TLN2: variants seen among roughly 807,000 people sequenced by gnomAD.
TLN2 encodes talin-2.
A neutral mutation model predicts 294.7 loss-of-function variants in TLN2; 118 were observed. The ratio of observed to expected loss-of-function variants is 0.40; its 90% CI spans 0.34 to 0.47. The LOEUF (loss-of-function observed/expected upper bound fraction) is 0.47. Ranked by LOEUF, TLN2 falls within the 20% of genes least tolerant of loss-of-function variation. TLN2 has a pLI of 0.84. For missense variants in TLN2, 3,083 were observed against 3,282.2 expected (o/e 0.94, Z 1.48); for synonymous variants, 1,431 against 1,304.5 (o/e 1.10, Z -2.09).
In TLN2 at chr15:62,825,801, T is replaced by TACA. The variant is rs1212160568; in HGVS notation, c.7002+5191_7002+5192insACA. Among the ~76,000 whole-genome samples the TACA allele has an allele frequency of 6.4e-3, 70 of 10,874 alleles. 8 individuals are homozygous for TACA. The highest frequency in any genetic ancestry group is 0.02 in the African/African-American group (68 of 3,426). 7.1% of individuals were successfully genotyped at this position (10,874 alleles called of 152,430 possible). On this transcript the variant is annotated intron_variant, in intron 54 of 58. Coordinates refer to ENST00000636159, the MANE Select transcript of TLN2 (RefSeq NM_015059.3). ...AATATATTATATATTATAATATATATTATATATTATATTATAATATATATT... is the reference window on the plus strand; with the variant it reads ...AATATATTATATATTATAATATATATACATATATATTATATTATAATATATATT...
At chr15:62,631,350 T>A (rs2049800552) in intron 3 of TLN2, among the ~76,000 whole-genome samples, 1 of 152,178 alleles carries the variant, frequency 6.6e-6, no homozygotes, top group South Asian at 2.1e-4. Context: ...GCTCAGTGGA[T>A]TCCTAAGTCA....
intron 1 of TLN2, among the ~76,000 whole-genome samples, chr15:62,472,762 A>G (rs2037552928): frequency 6.6e-6 from 1 of 152,168 alleles, no homozygotes; most frequent in Non-Finnish European, 1.5e-5. Flanking sequence ...TCATGCCCCT[A>G]TAGCCTTTAC....
At chr15:62,794,179 C>G (rs1208218238) in intron 46 of TLN2, among the ~76,000 whole-genome samples, 1 of 152,196 alleles carries the variant, frequency 6.6e-6, no homozygotes. Flanking sequence ...CTGAGCTGGC[C>G]TCGGCCGCTA....
At chr15:62,794,195 C>T (rs1246767848) in intron 46 of TLN2, among the ~76,000 whole-genome samples, 10 of 152,212 alleles carry the variant, frequency 6.6e-5, no homozygotes, top group South Asian at 6.2e-4. Flanking sequence ...CGCTACCTGT[C>T]CCGGCTTTGG....
In TLN2 at chr15:62,719,864, G is replaced by C. The variant is rs938984727; in HGVS notation, c.2975G>C (p.Ser992Thr). 1.2e-6 allele frequency: 2 copies of C among 1,610,126 alleles called. No homozygotes were observed. The highest frequency in any genetic ancestry group is 2.7e-5 in the African/African-American group (2 of 74,874). ...LSAQLALIISSQNFLQPGSKM... is the reference protein window; with the variant it reads ...LSAQLALIISTQNFLQPGSKM... ...GCCCAGCTGGCTCTCATCATCTCCAGCCAGAACTTCCTCCAGGTAACAGGG... is the reference window on the plus strand; with the variant it reads ...GCCCAGCTGGCTCTCATCATCTCCACCCAGAACTTCCTCCAGGTAACAGGG... The change falls in exon 25 of 59, where the codon AGC (serine) becomes ACC (threonine). Residue 992 changes from serine to threonine, a missense_variant. Physicochemically the swap from Ser to Thr is moderately conservative, Grantham distance 58 (BLOSUM62 1). Coordinates refer to ENST00000636159, the MANE Select transcript of TLN2 (RefSeq NM_015059.3).
chr15:62,619,655 G>A (rs532290790), intron 3 of TLN2, among the ~76,000 whole-genome samples: 1 of 152,304 alleles, frequency 6.6e-6, no homozygotes, highest in East Asian at 1.9e-4. Flanking sequence ...CTGATGACTG[G>A]CGTCCTTGTA....
chr15:62,723,819 G>A (rs2060287739), intron 26 of TLN2, among the ~76,000 whole-genome samples: 1 of 151,566 alleles, frequency 6.6e-6, no homozygotes, highest in Admixed American at 6.6e-5. Context: ...CAAAGTGTTA[G>A]GATTACAGGC....
chr15:62,719,998 G>A (rs145411506), intron 25 of TLN2, 118 bp downstream of exon 25: 9 of 700,656 alleles, frequency 1.3e-5, no homozygotes, highest in Non-Finnish European at 1.9e-5. Context: ...CGGTAGGCAG[G>A]GCTTGAAGGC....
At chr15:62,675,626 T>C (rs1473141804) in intron 11 of TLN2, among the ~76,000 whole-genome samples, 1 of 152,200 alleles carries the variant, frequency 6.6e-6, no homozygotes, top group Non-Finnish European at 1.5e-5. Flanking sequence ...CTCCTGACAA[T>C]GTTTCATTTA....
At chr15:62,531,057 G>T (rs1357528020) in intron 1 of TLN2, among the ~76,000 whole-genome samples, 1 of 152,106 alleles carries the variant, frequency 6.6e-6, no homozygotes. Flanking sequence ...ATTAGATTTA[G>T]ACCCAGTATT....
At chr15:62,663,525 T>C (rs1256054849) in intron 9 of TLN2, among the ~76,000 whole-genome samples, 1 of 151,722 alleles carries the variant, frequency 6.6e-6, no homozygotes, top group Non-Finnish European at 1.5e-5. Flanking sequence ...ACATAGATAA[T>C]CAGTCAGTCT....
chr15:62,801,488 T>G (rs891628101), intron 50 of TLN2, among the ~76,000 whole-genome samples: 1 of 152,222 alleles, frequency 6.6e-6, no homozygotes, highest in African/African-American at 2.4e-5. Context: ...TTCAACTTTT[T>G]TGGGAAAGAG....
At chr15:62,598,945 G>C (rs2046773966) in intron 2 of TLN2, among the ~76,000 whole-genome samples, 1 of 152,204 alleles carries the variant, frequency 6.6e-6, no homozygotes, top group Admixed American at 6.5e-5. Context: ...AGGAAGCCTT[G>C]ACCATGGAAC....
intron 1 of TLN2, among the ~76,000 whole-genome samples, chr15:62,505,981 A>C (rs370743391): frequency 6.6e-6 from 1 of 152,110 alleles, no homozygotes; most frequent in Non-Finnish European, 1.5e-5. Flanking sequence ...CCTTTATTCT[A>C]TTTATGGAAC....
At chr15:62,652,803 A>T (rs571096199) in intron 6 of TLN2, among the ~76,000 whole-genome samples, 1 of 152,294 alleles carries the variant, frequency 6.6e-6, no homozygotes, top group South Asian at 2.1e-4. Context: ...ACCTTTATGA[A>T]AGGAATTACT....
intron 1 of TLN2, among the ~76,000 whole-genome samples, chr15:62,499,230 C>G (rs1288439537): frequency 1.3e-5 from 2 of 152,182 alleles, no homozygotes; most frequent in Non-Finnish European, 2.9e-5. Context: ...GGGAACATCA[C>G]TTGAGCTCAG....
intron 1 of TLN2, among the ~76,000 whole-genome samples, chr15:62,480,715 G>C (rs923470350): frequency 1.3e-5 from 2 of 152,184 alleles, no homozygotes; most frequent in African/African-American, 4.8e-5. Flanking sequence ...CATGCCCTAC[G>C]TTACCACACT....
intron 1 of TLN2, among the ~76,000 whole-genome samples, chr15:62,484,122 G>C (rs1424666376): frequency 6.6e-6 from 1 of 152,142 alleles, no homozygotes; most frequent in Non-Finnish European, 1.5e-5. Context: ...AGGCGGCTCT[G>C]GTGATTTGTA....
At chr15:62,450,886 A>C (rs1355108464) in intron 1 of TLN2, among the ~76,000 whole-genome samples, 4 of 151,382 alleles carry the variant, frequency 2.6e-5, no homozygotes, top group Non-Finnish European at 5.9e-5. Context: ...ATCTATATAT[A>C]TATTTAGCTC....
Sources: gnomAD v4.1 joint callset for allele counts (sites outside exome capture counted in the v4.1 genomes callset) on GRCh38, gnomAD v4.1.1 for gene constraint, MANE v1.5 for transcripts, NCBI Gene and HGNC (gene_info 2026-07-23, HGNC 2026-07-21) for gene names.